SLC7A5: variants seen among roughly 807,000 people sequenced by gnomAD.
SLC7A5 encodes the protein large neutral amino acids transporter small subunit 1.
Under a neutral mutation model 50.2 loss-of-function variants are expected in SLC7A5, and 23 were observed. That is an observed-to-expected ratio of 0.46 (90% confidence interval 0.33 to 0.65). The LOEUF (loss-of-function observed/expected upper bound fraction) is 0.65. SLC7A5 is among the 30% of genes least tolerant of loss of function. The probability of loss-of-function intolerance (pLI) is 0.02; values close to 1 mark genes in which losing one functional copy is unlikely to be tolerated. For missense variants in SLC7A5, 578 were observed against 684.4 expected, an observed-to-expected ratio of 0.84 and a Z score of 1.73; for synonymous variants, 393 against 330.6, an observed-to-expected ratio of 1.19 and a Z score of -2.05.
intron 2 of SLC7A5, among the ~76,000 whole-genome samples, chr16:87,847,704 A>G (rs1597503250): frequency 6.6e-6 from 1 of 152,218 alleles, no homozygotes; most frequent in East Asian, 1.9e-4. Context: ...GACCCTGCAC[A>G]CTGCACCCAG....
Position 87,869,371 on chromosome 16 carries a change from C to T in SLC7A5, c.52G>A (p.Glu18Lys). 13 of 1,602,952 alleles carry T rather than the reference C, an allele frequency of 8.1e-6. No individual in the cohort carries two copies. The highest frequency in any genetic ancestry group is 1.1e-5 in the Non-Finnish European group (13 of 1,176,668). The change falls in exon 1 of 10, where the codon GAG (glutamate) becomes AAG (lysine). Residue 18 changes from glutamate to lysine, a missense_variant. Glu to Lys is a moderately conservative substitution (Grantham distance 56). Around this residue, in one of 2 missense-constraint regions of SLC7A5, gnomAD observed 113 missense variants for 89.8 expected, o/e 1.26. Transcript: ENST00000261622. The stretch of plus-strand genomic sequence containing the variant: ...ATCTTCTCCCGCGCCTCTTCCTTCT[C>T]CTCGGCCGCCGGCGCCGCTAGCGCG... ...RRALAAPAAE[E>K]KEEAREKMLA...
At chr16:87,851,031 A>G (rs1307532765) in intron 2 of SLC7A5, among the ~76,000 whole-genome samples, 1 of 152,214 alleles carries the variant, frequency 6.6e-6, no homozygotes, top group Non-Finnish European at 1.5e-5. Flanking sequence ...AGCAGCTGGG[A>G]AAAAGGCTCA....
intron 2 of SLC7A5, among the ~76,000 whole-genome samples, chr16:87,844,078 G>A (rs2055116750): frequency 6.6e-6 from 1 of 152,190 alleles, no homozygotes; most frequent in Non-Finnish European, 1.5e-5. Flanking sequence ...AGCGTGACAG[G>A]GAAGTGAGGA....
At chr16:87,851,266 AATGAAT>A (rs1354074503) in intron 2 of SLC7A5, among the ~76,000 whole-genome samples, 6 of 152,190 alleles carry the variant, frequency 3.9e-5, no homozygotes, top group Non-Finnish European at 4.4e-5. Context: ...TGGAATGATG[AATGAAT>A]CACAGCATGA....
chr16:87,833,375 C>T lies in SLC7A5; in HGVS notation c.1469-350G>A, dbSNP rs998530649. Among the ~76,000 whole-genome samples the T allele has an allele frequency of 1.3e-5, 2 of 152,228 alleles. No homozygotes were observed. The highest frequency in any genetic ancestry group is 2.4e-5 in the African/African-American group (1 of 41,458). On this transcript the variant is annotated intron_variant, in intron 9 of 9. Coordinates refer to ENST00000261622, the MANE Select transcript of SLC7A5 (RefSeq NM_003486.7). This position sits in a 1 kb window ranked among gnomAD's most constrained non-coding sequence, Gnocchi z 6.0. ...ACAGGCCTTCCTGCAGGTCCACACC[C>T]GGGCCACCACCTGGACACATGCCTG...
intron 2 of SLC7A5, among the ~76,000 whole-genome samples, chr16:87,851,177 C>T (rs916352641): frequency 3.3e-5 from 5 of 152,220 alleles, no homozygotes; most frequent in Non-Finnish European, 7.3e-5. Flanking sequence ...GGGGTTACCA[C>T]GTTTGTTTTG....
At position 87,869,493 on chromosome 16, in the gene SLC7A5, C is replaced by A; in HGVS notation, c.-71G>T. 2.7e-6 allele frequency: 3 copies of A among 1,119,888 alleles called. No homozygotes were observed. Among genetic ancestry groups the A allele is most frequent in the Non-Finnish European group, 3.3e-6 (3 of 910,142 alleles). The allele number at this position is 1,119,888 out of a possible 1,614,324, so 69.4% of individuals were successfully genotyped here. On this transcript the variant is annotated 5_prime_UTR_variant, in exon 1 of 10. Coordinates refer to ENST00000261622, the MANE Select transcript of SLC7A5 (RefSeq NM_003486.7). ...AGCGAGCAGTGTGCGCGCCGCCCGC[C>A]GCCCGCAGCTGCGTCAGGAACCCCG...
At position 87,853,822 on chromosome 16, in the gene SLC7A5, A is replaced by G. The variant is rs2055271839; in HGVS notation, c.539-1973T>C. 1 of 152,096 alleles carries G rather than the reference A, an allele frequency of 6.6e-6. No individual in the cohort carries two copies. 9.4% of individuals were successfully genotyped at this position (152,096 alleles called of 1,614,324 possible). ...CCGCACTCGAGGCTGCCTCTCCCCA[A>G]AAGGGAGAGAGGCACGCTGCCACCA... On this transcript the variant is annotated intron_variant, in intron 1 of 9. Transcript: ENST00000261622. The surrounding 1 kb of genome is among the most constrained non-coding windows in gnomAD (Gnocchi z 4.4).
intron 3 of SLC7A5, 113 bp downstream of exon 3, chr16:87,840,937 G>T: frequency 1.4e-6 from 1 of 715,792 alleles, no homozygotes; most frequent in Non-Finnish European, 2.6e-6. Context: ...GTTAAAGGGA[G>T]GGGCAGTCCA....
At chr16:87,850,988 C>G (rs1183689820) in intron 2 of SLC7A5, among the ~76,000 whole-genome samples, 1 of 152,200 alleles carries the variant, frequency 6.6e-6, no homozygotes, top group Non-Finnish European at 1.5e-5. Flanking sequence ...CACACTCACT[C>G]TCTTTATTCC....
At chr16:87,840,345 A>C in intron 4 of SLC7A5, 84 bp downstream of exon 4, 2 of 1,271,006 alleles carry the variant, frequency 1.6e-6, no homozygotes, top group Non-Finnish European at 1.2e-6. Context: ...TGAGCCGACC[A>C]ACAGGCTTCG....
In SLC7A5 at chr16:87,853,130, C is replaced by T. The variant is rs148040171; in HGVS notation, c.539-1281G>A. 6.6e-5 allele frequency among the ~76,000 whole-genome samples: 10 copies of T among 152,342 alleles called. No homozygotes were observed. The East Asian group carries it at 9.6e-4, about 15-fold the overall frequency. On this transcript the variant is annotated intron_variant, in intron 1 of 9. Coordinates refer to ENST00000261622, the MANE Select transcript of SLC7A5 (RefSeq NM_003486.7). The surrounding 1 kb of genome is among the most constrained non-coding windows in gnomAD (Gnocchi z 4.4). ...CTTCTCTCTTTCCCCTTGGGAGTAA[C>T]GCTCAGAAAGGTCTGGCCAGCCAAG...
chr16:87,855,420 G>A (rs1260934187), intron 1 of SLC7A5, among the ~76,000 whole-genome samples: 12 of 152,108 alleles, frequency 7.9e-5, no homozygotes, highest in African/African-American at 2.7e-4. Flanking sequence ...GGTGCATACC[G>A]CTGGCTGACC....
chr16:87,834,315 C>G (rs574273376), intron 9 of SLC7A5, 99 bp downstream of exon 9: 1 of 1,204,452 alleles, frequency 8.3e-7, no homozygotes, highest in Non-Finnish European at 1.2e-6. Context: ...CCACCCAACA[C>G]GCTTCGCCCC....
chr16:87,846,797 C>T (rs556336570), intron 2 of SLC7A5, among the ~76,000 whole-genome samples: 79 of 152,352 alleles, frequency 5.2e-4, no homozygotes, highest in Admixed American at 4.8e-3. Context: ...CTGTCACCCC[C>T]GGAGAAAGCG....
In SLC7A5 at chr16:87,833,849, C is replaced by T. The variant is rs1295195633; in HGVS notation, c.1468+565G>A. Among the ~76,000 whole-genome samples the T allele has an allele frequency of 1.4e-5, 2 of 140,932 alleles. No homozygotes were observed. Among genetic ancestry groups the T allele is most frequent in the Non-Finnish European group, 3.0e-5 (2 of 66,874 alleles). 92.5% of individuals were successfully genotyped at this position (140,932 alleles called of 152,430 possible). Reference sequence around the variant, plus strand: ...ACACAGGGCCGGGGGGCGGGTTTCTCCTTCTGCCTTTTTTTTTTTTTTTGA... The same window carrying T: ...ACACAGGGCCGGGGGGCGGGTTTCTTCTTCTGCCTTTTTTTTTTTTTTTGA... On this transcript the variant is annotated intron_variant, in intron 9 of 9. Coordinates refer to ENST00000261622, the MANE Select transcript of SLC7A5 (RefSeq NM_003486.7). The surrounding 1 kb of genome is among the most constrained non-coding windows in gnomAD (Gnocchi z 6.0).
In SLC7A5 at chr16:87,869,181, G is replaced by A. The variant is rs1335433859; in HGVS notation, c.242C>T (p.Ser81Leu). The A allele has an allele frequency of 1.2e-6, 2 of 1,612,380 alleles. No homozygotes were observed. Among genetic ancestry groups the A allele is most frequent in the Non-Finnish European group, 1.7e-6 (2 of 1,179,776 alleles). Reference sequence around the variant, plus strand: ...CCACACCACCAGCGCCAGCCCCGGCGAGCCTGCCTCCTTGAGCACGCCCGT... The same window carrying A: ...CCACACCACCAGCGCCAGCCCCGGCAAGCCTGCCTCCTTGAGCACGCCCGT... The part of the protein sequence containing the change: ...TPTGVLKEAG[S>L]PGLALVVWAA... Residue 81 changes from serine to leucine, a missense_variant, in exon 1 of 10, where the codon TCG becomes TTG. Physicochemically the swap from Ser to Leu is moderately radical, Grantham distance 145. Coordinates refer to ENST00000261622, the MANE Select transcript of SLC7A5 (RefSeq NM_003486.7).
rs574760794 is a variant in SLC7A5 at position 87,841,615 on chromosome 16, G to A, written c.665-460C>T. On this transcript the variant is annotated intron_variant, in intron 2 of 9. Coordinates refer to ENST00000261622, the MANE Select transcript of SLC7A5 (RefSeq NM_003486.7). This position sits in a 1 kb window ranked among gnomAD's most constrained non-coding sequence, Gnocchi z 4.8. ...CTGCTTCTTGGGGTGCGAGGAGCTC[G>A]GAACAGACTGCCCTCCCTCCAGGGC... Among the ~76,000 whole-genome samples the A allele has an allele frequency of 5.9e-5, 9 of 152,318 alleles. No homozygotes were observed. The highest frequency in any genetic ancestry group is 2.0e-4 in the Admixed American group (3 of 15,304).
intron 1 of SLC7A5, among the ~76,000 whole-genome samples, chr16:87,865,892 C>T (rs71392316): frequency 2.5e-4 from 38 of 152,240 alleles, no homozygotes; most frequent in Non-Finnish European, 2.5e-4. Context: ...GAGGCTGAGG[C>T]ACATGCCTGT....
Sources: allele counts gnomAD v4.1 joint callset (sites outside exome capture counted in the v4.1 genomes callset), GRCh38; gene constraint gnomAD v4.1.1; regional missense constraint gnomAD v4.1.1; non-coding constraint Gnocchi (gnomAD v3.1); transcripts MANE v1.5; gene names NCBI Gene and HGNC (gene_info 2026-07-23, HGNC 2026-07-21).